The following MECOM variants were observed in gnomAD, a reference collection of about 807,000 sequenced individuals.
MECOM encodes histone-lysine N-methyltransferase MECOM.
In MECOM, 13 loss-of-function variants were observed where a neutral mutation model predicts 116.3. That is an observed-to-expected ratio of 0.11 (90% CI 0.07 to 0.18). The LOEUF is 0.18. Among genes scored for constraint, MECOM ranks in the 10% least tolerant of loss-of-function variants. The pLI, the probability that MECOM is intolerant of heterozygous loss-of-function variation, is 1.00. For synonymous variants in MECOM, 528 were observed against 535.2 expected (o/e 0.99, Z 0.19); for missense variants, 1,299 against 1,509.0 (o/e 0.86, Z 2.31).
At chr3:169,508,890 G>A (rs958116194) in intron 1 of MECOM, among the ~76,000 whole-genome samples, 9 of 151,860 alleles carry the variant, frequency 5.9e-5, no homozygotes, top group South Asian at 2.1e-4. Context: ...AAACATATTC[G>A]TCTTATTCTT....
intron 2 of MECOM, among the ~76,000 whole-genome samples, chr3:169,309,819 C>T (rs1161462994): frequency 1.3e-5 from 2 of 152,140 alleles, no homozygotes; most frequent in African/African-American, 4.8e-5. Context: ...CTCATGTCGC[C>T]ACCTTGAGCC....
chr3:169,459,794 G>T (rs1287586601), intron 1 of MECOM, among the ~76,000 whole-genome samples: 1 of 152,024 alleles, frequency 6.6e-6, no homozygotes, highest in Non-Finnish European at 1.5e-5. Flanking sequence ...GTTCAAGCCA[G>T]GCCCATTTTG....
At chr3:169,244,485 TC>T (rs1755318507) in intron 2 of MECOM, among the ~76,000 whole-genome samples, 1 of 152,166 alleles carries the variant, frequency 6.6e-6, no homozygotes, top group Non-Finnish European at 1.5e-5. Context: ...CTAATTTTTT[TC>T]CCCTCCAACT....
chr3:169,600,082 G>A (rs13060556), intron 1 of MECOM, among the ~76,000 whole-genome samples: 38,653 of 151,634 alleles, frequency 0.25, 5,514 homozygotes, highest in Non-Finnish European at 0.32. Flanking sequence ...AGCCATTCTC[G>A]TGCCTCAGCC....
At chr3:169,605,411 T>C (rs893985670) in intron 1 of MECOM, among the ~76,000 whole-genome samples, 1 of 152,240 alleles carries the variant, frequency 6.6e-6, no homozygotes, top group African/African-American at 2.4e-5. Context: ...CTTTTTTCTG[T>C]AGGCACAGGG....
At chr3:169,361,819 T>G (rs1273530655) in intron 2 of MECOM, among the ~76,000 whole-genome samples, 1 of 151,834 alleles carries the variant, frequency 6.6e-6, no homozygotes, top group Non-Finnish European at 1.5e-5. Context: ...GAGGATCAAA[T>G]GCAATATTGA....
intron 2 of MECOM, among the ~76,000 whole-genome samples, chr3:169,329,166 C>A (rs78967444): frequency 6.6e-6 from 1 of 152,048 alleles, no homozygotes; most frequent in South Asian, 2.1e-4. Context: ...CCTTGGGAAA[C>A]ATTAACTTTT....
intron 2 of MECOM, chr3:169,145,481 T>C (rs1186823831): frequency 1.3e-5 from 3 of 231,452 alleles, no homozygotes; most frequent in Admixed American, 5.6e-5. Context: ...GTTCAGTCTG[T>C]TTGGTTTCTG....
intron 1 of MECOM, among the ~76,000 whole-genome samples, chr3:169,511,151 C>T (rs866725083): frequency 6.6e-6 from 1 of 152,184 alleles, no homozygotes; most frequent in African/African-American, 2.4e-5. Flanking sequence ...TCTTTAGATT[C>T]ATTTTATATG....
At position 169,472,504 on chromosome 3, in the gene MECOM, AAAGGAAAGGAAAGG is replaced by A. The variant is rs1560317523; in HGVS notation, c.38-90994_38-90981del. On this transcript the variant is annotated intron_variant, in intron 1 of 16. Transcript: ENST00000651503. ...AAAGGAAAGGAAAGGAAAGGAAAGG[AAAGGAAAGGAAAGG>A]AAAGAAAAGAAAAGAAAAGGAAAGG... Among the ~76,000 whole-genome samples, 352 of 90,288 alleles carry A rather than the reference AAAGGAAAGGAAAGG, an allele frequency of 3.9e-3. 5 individuals carry two copies. The highest frequency in any genetic ancestry group is 8.9e-3 in the African/African-American group (175 of 19,556). The allele number at this position is 90,288 out of a possible 152,430, so 59.2% of individuals were successfully genotyped here.
chr3:169,162,393 A>G (rs1350098453), intron 2 of MECOM, among the ~76,000 whole-genome samples: 5 of 152,182 alleles, frequency 3.3e-5, no homozygotes, highest in African/African-American at 4.8e-5. Context: ...CAAATAGTAC[A>G]AGACTGTACG....
At chr3:169,098,429 G>GA (rs1246520087) in intron 12 of MECOM, among the ~76,000 whole-genome samples, 3 of 152,116 alleles carry the variant, frequency 2.0e-5, no homozygotes, top group Non-Finnish European at 4.4e-5. Flanking sequence ...CTCATTATTA[G>GA]AGTGAGGTTA....
At chr3:169,596,369 C>G (rs947082124) in intron 1 of MECOM, among the ~76,000 whole-genome samples, 1 of 152,136 alleles carries the variant, frequency 6.6e-6, no homozygotes, top group East Asian at 1.9e-4. Flanking sequence ...AACCCTTGAT[C>G]GGGCAAACGT....
At chr3:169,433,695 G>GAA (rs1352912899) in intron 1 of MECOM, among the ~76,000 whole-genome samples, 6 of 150,198 alleles carry the variant, frequency 4.0e-5, no homozygotes, top group African/African-American at 1.5e-4. Flanking sequence ...GAAAGAGAAA[G>GAA]AAAGAAAAGA....
chr3:169,486,339 C>T (rs1375369294), intron 1 of MECOM, among the ~76,000 whole-genome samples: 2 of 151,822 alleles, frequency 1.3e-5, no homozygotes, highest in Admixed American at 6.6e-5. Flanking sequence ...GCTCATTATA[C>T]ATTCCAGGAA....
chr3:169,175,671 C>T (rs574062600), intron 2 of MECOM, among the ~76,000 whole-genome samples: 2 of 152,246 alleles, frequency 1.3e-5, no homozygotes, highest in South Asian at 4.1e-4. Flanking sequence ...TTAAGTGGAC[C>T]ATTTCTAGAG....
intron 1 of MECOM, among the ~76,000 whole-genome samples, chr3:169,564,802 G>A (rs987463118): frequency 4.6e-5 from 7 of 151,498 alleles, no homozygotes; most frequent in Admixed American, 1.3e-4. Flanking sequence ...AAACCATAGC[G>A]CTTCAGGTGT....
intron 1 of MECOM, among the ~76,000 whole-genome samples, chr3:169,612,629 TG>T (rs1373622015): frequency 1.3e-5 from 2 of 152,124 alleles, no homozygotes; most frequent in Non-Finnish European, 2.9e-5. Flanking sequence ...CCTTTTTTTA[TG>T]TGCTTATTTT....
At chr3:169,499,182 T>C (rs1754212189) in intron 1 of MECOM, among the ~76,000 whole-genome samples, 1 of 151,538 alleles carries the variant, frequency 6.6e-6, no homozygotes, top group African/African-American at 2.4e-5. Flanking sequence ...GAACAGATCA[T>C]GGCTAAGTTT....
Sources: gnomAD v4.1 joint callset for allele counts (sites outside exome capture counted in the v4.1 genomes callset) on GRCh38, gnomAD v4.1.1 for gene constraint, MANE v1.5 for transcripts, NCBI Gene and HGNC (gene_info 2026-07-23, HGNC 2026-07-21) for gene names.